Variants in ATXN1 observed in about 807,000 individuals in gnomAD.
The protein encoded by ATXN1 is ataxin 1.
Under a neutral mutation model 56.4 loss-of-function variants are expected in ATXN1, and 8 were observed. That is an observed-to-expected ratio of 0.14 (90% CI 0.08 to 0.26). ATXN1 has a LOEUF of 0.26. ATXN1 is among the 10% of genes least tolerant of loss of function. ATXN1 has a pLI of 1.00. For synonymous variants in ATXN1, 514 were observed against 494.6 expected, an observed-to-expected ratio of 1.04 and a Z score of -0.52; for missense variants, 987 against 1,106.5, an observed-to-expected ratio of 0.89 and a Z score of 1.53.
intron 3 of ATXN1, among the ~76,000 whole-genome samples, chr6:16,596,413 A>C (rs1310250120): frequency 6.6e-6 from 1 of 152,220 alleles, no homozygotes; most frequent in Non-Finnish European, 1.5e-5. Context: ...TTGGAACCTC[A>C]GGTGAAACCC....
At chr6:16,566,258 T>C (rs931669196) in intron 4 of ATXN1, among the ~76,000 whole-genome samples, 2 of 152,178 alleles carry the variant, frequency 1.3e-5, no homozygotes, top group African/African-American at 2.4e-5. Context: ...CATCCAGATA[T>C]AAGAAATACA....
rs186564262 is a variant in ATXN1 at position 16,536,366 on chromosome 6, A to G, written c.-360-13678T>C. On this transcript the variant is annotated intron_variant, in intron 4 of 7. Coordinates refer to ENST00000436367, the MANE Select transcript of ATXN1 (RefSeq NM_001128164.2). ...TAAAACATGATGGACTGCAGGATGGACAGATGGCTTGATACCTGACAAAGC... is the reference window on the plus strand; with the variant it reads ...TAAAACATGATGGACTGCAGGATGGGCAGATGGCTTGATACCTGACAAAGC... 2.0e-5 allele frequency among the ~76,000 whole-genome samples: 3 copies of G among 152,340 alleles called. No homozygotes were observed. The East Asian group carries it at 5.8e-4, about 29-fold the overall frequency.
Position 16,543,613 on chromosome 6 carries a change from A to G in ATXN1, c.-360-20925T>C, listed in dbSNP as rs143662383. On this transcript the variant is annotated intron_variant, in intron 4 of 7. Coordinates refer to ENST00000436367, the MANE Select transcript of ATXN1 (RefSeq NM_001128164.2). ...TCTGTTTGCATGTGTTCTAACCACT[A>G]CCATTTCAGCTATTTTCCTAAAAAA... 2.4e-3 allele frequency among the ~76,000 whole-genome samples: 338 copies of G among 142,312 alleles called. 1 individual carries two copies. Among genetic ancestry groups the G allele is most frequent in the African/African-American group, 8.5e-3 (312 of 36,828 alleles). The allele number at this position is 142,312 out of a possible 152,430, so 93.4% of individuals were successfully genotyped here.
chr6:16,616,432 TG>T (rs1763210055), intron 3 of ATXN1, among the ~76,000 whole-genome samples: 1 of 151,188 alleles, frequency 6.6e-6, no homozygotes. Context: ...CCCAGATACT[TG>T]GGAGGCTGAG....
chr6:16,618,454 G>C (rs1215667718), intron 3 of ATXN1, among the ~76,000 whole-genome samples: 2 of 152,162 alleles, frequency 1.3e-5, no homozygotes. Context: ...ATTCAGGCAG[G>C]GTGTGGTGGC....
At chr6:16,660,334 C>T (rs1758290248) in intron 2 of ATXN1, among the ~76,000 whole-genome samples, 1 of 152,184 alleles carries the variant, frequency 6.6e-6, no homozygotes. Context: ...ACAGATATGC[C>T]TGCATATGTG....
chr6:16,600,474 G>T (rs1206083916), intron 3 of ATXN1, among the ~76,000 whole-genome samples: 1 of 152,126 alleles, frequency 6.6e-6, no homozygotes, highest in African/African-American at 2.4e-5. Context: ...CTCCTCTTAA[G>T]AGCAGCGTAT....
At chr6:16,697,196 G>A (rs1013048378) in intron 2 of ATXN1, among the ~76,000 whole-genome samples, 4 of 152,100 alleles carry the variant, frequency 2.6e-5, no homozygotes, top group Admixed American at 1.3e-4. Context: ...TTATGAATTG[G>A]GAAAATTCCT....
chr6:16,602,502 A>G (rs1476309709), intron 3 of ATXN1, among the ~76,000 whole-genome samples: 1 of 149,718 alleles, frequency 6.7e-6, no homozygotes, highest in African/African-American at 2.5e-5. Context: ...CCCAGGCTGG[A>G]GTGCAGTGGC....
Position 16,385,756 on chromosome 6 carries a change from C to A in ATXN1, c.-160-57286G>T, listed in dbSNP as rs533107024. Among the ~76,000 whole-genome samples the A allele has an allele frequency of 2.6e-5, 4 of 152,298 alleles. No homozygotes were observed. The East Asian group carries it at 7.7e-4, about 29-fold the overall frequency. ...CACAAAAATAACTTTCTCTATCTAA[C>A]ATATCAATATTTTTCTGATTACAGG... On this transcript the variant is annotated intron_variant, in intron 6 of 7. Transcript: ENST00000436367.
chr6:16,499,140 T>C (rs1490427315), intron 5 of ATXN1, among the ~76,000 whole-genome samples: 1 of 152,200 alleles, frequency 6.6e-6, no homozygotes, highest in Admixed American at 6.5e-5. Context: ...AGTTCCTACA[T>C]TTAGGGTATT....
intron 5 of ATXN1, among the ~76,000 whole-genome samples, chr6:16,513,620 A>T (rs1474062081): frequency 1.3e-5 from 2 of 152,188 alleles, no homozygotes; most frequent in Non-Finnish European, 1.5e-5. Context: ...GGGGATGTAA[A>T]AGGGACTGAA....
chr6:16,687,399 GA>G (rs529475689), intron 2 of ATXN1, among the ~76,000 whole-genome samples: 6 of 151,172 alleles, frequency 4.0e-5, no homozygotes, highest in South Asian at 2.1e-4. Flanking sequence ...TAAGAAACAG[GA>G]AAAAAAATCA....
intron 5 of ATXN1, among the ~76,000 whole-genome samples, chr6:16,489,355 G>C (rs1760612568): frequency 1.3e-5 from 2 of 152,150 alleles, no homozygotes; most frequent in South Asian, 2.1e-4. Context: ...CCAGGGACTT[G>C]AAAGTCTGAT....
chr6:16,669,981 C>T (rs1168829536), intron 2 of ATXN1, among the ~76,000 whole-genome samples: 1 of 152,058 alleles, frequency 6.6e-6, no homozygotes, highest in Non-Finnish European at 1.5e-5. Context: ...ACCCCATGAC[C>T]CCCAACCAAG....
chr6:16,709,034 A>AAAAAG, intron 2 of ATXN1, among the ~76,000 whole-genome samples: 1 of 151,862 alleles, frequency 6.6e-6, no homozygotes, highest in Middle Eastern at 3.4e-3. Flanking sequence ...TCAAAAAAAA[A>AAAAAG]AAAAGAAAAG....
intron 7 of ATXN1, among the ~76,000 whole-genome samples, chr6:16,320,163 G>C (rs1405797970): frequency 6.6e-6 from 1 of 152,080 alleles, no homozygotes; most frequent in Non-Finnish European, 1.5e-5. Context: ...CTATTTTTAG[G>C]TACCAGCTAA....
chr6:16,564,068 A>G (rs1581847284), intron 4 of ATXN1, among the ~76,000 whole-genome samples: 1 of 152,182 alleles, frequency 6.6e-6, no homozygotes, highest in Admixed American at 6.5e-5. Flanking sequence ...CAGCTCTTCT[A>G]CCTTTTCAGC....
intron 6 of ATXN1, among the ~76,000 whole-genome samples, chr6:16,350,751 A>G (rs778489933): frequency 6.6e-6 from 1 of 152,192 alleles, no homozygotes; most frequent in Admixed American, 6.6e-5. Flanking sequence ...TTTCAGTCAC[A>G]GCAAATCACC....
Sources: gnomAD v4.1 joint callset for allele counts (sites outside exome capture counted in the v4.1 genomes callset) on GRCh38, gnomAD v4.1.1 for gene constraint, MANE v1.5 for transcripts, NCBI Gene and HGNC (gene_info 2026-07-23, HGNC 2026-07-21) for gene names.